RORA: variants seen among roughly 807,000 people sequenced by gnomAD.
The protein encoded by RORA is nuclear receptor ROR-alpha.
Under a neutral mutation model 69.5 loss-of-function variants are expected in RORA, and 7 were observed. The ratio of observed to expected loss-of-function variants is 0.10; its 90% CI spans 0.06 to 0.19. RORA has a LOEUF of 0.19. Among genes scored for constraint, RORA ranks in the 10% least tolerant of loss-of-function variants. RORA has a pLI of 1.00. For synonymous variants in RORA, 261 were observed against 240.8 expected, an observed-to-expected ratio of 1.08 and a Z score of -0.78; for missense variants, 457 against 663.0, an observed-to-expected ratio of 0.69 and a Z score of 3.41.
At chr15:60,559,901 A>G (rs2067481683) in intron 2 of RORA, among the ~76,000 whole-genome samples, 1 of 152,248 alleles carries the variant, frequency 6.6e-6, no homozygotes, top group African/African-American at 2.4e-5. Flanking sequence ...TTATAAATTT[A>G]GCCACTGTTT....
intron 2 of RORA, among the ~76,000 whole-genome samples, chr15:60,615,671 A>G (rs1162667348): frequency 1.3e-5 from 2 of 152,206 alleles, no homozygotes; most frequent in African/African-American, 4.8e-5. Context: ...GAAGTTGTTT[A>G]TGTTTTCTGT....
chr15:61,104,381 T>G (rs1383787642), intron 1 of RORA, among the ~76,000 whole-genome samples: 2 of 152,340 alleles, frequency 1.3e-5, no homozygotes, highest in Admixed American at 1.3e-4. Context: ...CTTTCCAGGT[T>G]GTGTCAACAG....
At chr15:60,618,802 G>C (rs1209824036) in intron 2 of RORA, among the ~76,000 whole-genome samples, 1 of 152,146 alleles carries the variant, frequency 6.6e-6, no homozygotes, top group Non-Finnish European at 1.5e-5. Flanking sequence ...TGATTTCTTT[G>C]TAACTTTTCC....
At chr15:60,970,023 C>T (rs1004171870) in intron 1 of RORA, among the ~76,000 whole-genome samples, 1 of 152,162 alleles carries the variant, frequency 6.6e-6, no homozygotes, top group Non-Finnish European at 1.5e-5. Context: ...CTTTCTCTCT[C>T]TCTCCAAAAA....
At chr15:60,741,709 G>A (rs2071577683) in intron 1 of RORA, among the ~76,000 whole-genome samples, 1 of 152,142 alleles carries the variant, frequency 6.6e-6, no homozygotes, top group Non-Finnish European at 1.5e-5. Context: ...TGGCCTAATG[G>A]ACTCCAGGGA....
At chr15:60,932,802 A>G (rs992221459) in intron 1 of RORA, among the ~76,000 whole-genome samples, 1 of 152,136 alleles carries the variant, frequency 6.6e-6, no homozygotes, top group South Asian at 2.1e-4. Context: ...GGCATGTGAC[A>G]CTGAGGACCT....
intron 2 of RORA, among the ~76,000 whole-genome samples, chr15:60,654,709 C>G (rs923334049): frequency 2.0e-5 from 3 of 152,094 alleles, no homozygotes; most frequent in African/African-American, 7.2e-5. Context: ...AAGAAGTAGA[C>G]AAGAGGGTGA....
chr15:61,203,546 G>T (rs1432657656), intron 1 of RORA, among the ~76,000 whole-genome samples: 1 of 152,122 alleles, frequency 6.6e-6, no homozygotes, highest in Non-Finnish European at 1.5e-5. Flanking sequence ...GAGACAGACA[G>T]AAAAGGAGAT....
chr15:60,834,476 A>G (rs1258721652), intron 1 of RORA, among the ~76,000 whole-genome samples: 2 of 152,236 alleles, frequency 1.3e-5, no homozygotes, highest in Non-Finnish European at 2.9e-5. Context: ...CCAAGAAAGA[A>G]GTGGCTTCTA....
chr15:61,149,123 T>C (rs2079375841), intron 1 of RORA, among the ~76,000 whole-genome samples: 1 of 152,210 alleles, frequency 6.6e-6, no homozygotes, highest in African/African-American at 2.4e-5. Flanking sequence ...ACTTCATCCA[T>C]TCAGCTGACT....
intron 1 of RORA, among the ~76,000 whole-genome samples, chr15:60,836,031 T>C (rs977328980): frequency 6.6e-6 from 1 of 152,224 alleles, no homozygotes; most frequent in Admixed American, 6.5e-5. Flanking sequence ...CACTGACCTC[T>C]TTTAGGGTGT....
At chr15:60,503,133 C>T (rs763407922) in intron 7 of RORA, among the ~76,000 whole-genome samples, 6 of 152,180 alleles carry the variant, frequency 3.9e-5, no homozygotes, top group Non-Finnish European at 7.4e-5. Context: ...TCTTCTACCT[C>T]GCAATGCAGA....
intron 1 of RORA, among the ~76,000 whole-genome samples, chr15:61,218,175 TTG>T (rs72135304): frequency 0.079 from 11,660 of 148,074 alleles, 468 homozygotes; most frequent in East Asian, 0.23. Context: ...CATGAAATGT[TTG>T]TGTGTGTGTG....
intron 2 of RORA, chr15:60,592,577 C>G: frequency 3.3e-6 from 4 of 1,227,068 alleles, no homozygotes; most frequent in Non-Finnish European, 4.1e-6. Context: ...ATGTGACCGG[C>G]TGACATCACG....
chr15:61,134,329 C>A (rs974583725), intron 1 of RORA, among the ~76,000 whole-genome samples: 1 of 152,166 alleles, frequency 6.6e-6, no homozygotes, highest in African/African-American at 2.4e-5. Flanking sequence ...AACATCTAGT[C>A]CAGTAACAAC....
intron 1 of RORA, among the ~76,000 whole-genome samples, chr15:60,708,750 T>C (rs1352997907): frequency 6.6e-6 from 1 of 152,208 alleles, no homozygotes; most frequent in African/African-American, 2.4e-5. Context: ...GCTAAGTCTG[T>C]TTGGTATTCA....
At chr15:60,692,291 T>TATC (rs1296450166) in intron 1 of RORA, among the ~76,000 whole-genome samples, 8 of 152,208 alleles carry the variant, frequency 5.3e-5, no homozygotes, top group Admixed American at 5.2e-4. Context: ...ATATTTAGTT[T>TATC]ATTATTATTA....
intron 1 of RORA, among the ~76,000 whole-genome samples, chr15:61,038,371 A>G (rs1896570348): frequency 6.6e-6 from 1 of 152,202 alleles, no homozygotes. Context: ...ATTGATCACA[A>G]TAAAACATTG....
rs1255593215 is a variant in RORA at position 60,947,502 on chromosome 15, T to G, written c.167-268816A>C. On this transcript the variant is annotated intron_variant, in intron 1 of 10. Coordinates refer to ENST00000335670, the MANE Select transcript of RORA (RefSeq NM_134261.3). The stretch of plus-strand genomic sequence containing the variant: ...CAGATGCTTGAAGGCAGCATGCTCG[T>G]TAAGAGTCATCACCACTCCCTAATC... Among the ~76,000 whole-genome samples the G allele has an allele frequency of 2.6e-5, 4 of 151,828 alleles. No individual in the cohort carries two copies. The East Asian group carries it at 7.8e-4, about 30-fold the overall frequency.
Sources: gnomAD v4.1 joint callset for allele counts (sites outside exome capture counted in the v4.1 genomes callset) on GRCh38, gnomAD v4.1.1 for gene constraint, MANE v1.5 for transcripts, NCBI Gene and HGNC (gene_info 2026-07-23, HGNC 2026-07-21) for gene names.